The following TSPAN7 variants were observed in gnomAD, a reference collection of about 807,000 sequenced individuals.
The protein encoded by TSPAN7 is tetraspanin 7.
Under a neutral mutation model 17.6 loss-of-function variants are expected in TSPAN7, and 1 was observed. That is an observed-to-expected ratio of 0.06 (90% CI 0.02 to 0.27). The LOEUF (loss-of-function observed/expected upper bound fraction) is 0.27, where lower values mean the gene tolerates loss of function less well. TSPAN7 is among the 10% of genes least tolerant of loss of function. The pLI is 1.00. For synonymous variants in TSPAN7, 78 were observed against 79.0 expected (o/e 0.99, Z 0.07); for missense variants, 112 against 201.7 (o/e 0.56, Z 2.69).
chrX:38,562,701 CA>C (rs1387196688), intron 1 of TSPAN7, among the ~76,000 whole-genome samples: 1 of 111,258 alleles, frequency 9.0e-6, no homozygotes, highest in East Asian at 2.8e-4. Flanking sequence ...ACTTAAAGAC[CA>C]TTCCCTGTTA....
At chrX:38,630,536 C>T (rs1453753352) in intron 1 of TSPAN7, among the ~76,000 whole-genome samples, 1 of 111,433 alleles carries the variant, frequency 9.0e-6, no homozygotes, top group Non-Finnish European at 1.9e-5. Context: ...TAGCAGTATC[C>T]TCAGTATAAT....
intron 1 of TSPAN7, among the ~76,000 whole-genome samples, chrX:38,565,762 AT>A (rs1342617564): frequency 3.6e-5 from 4 of 112,084 alleles, no homozygotes; most frequent in African/African-American, 6.5e-5. Context: ...TTATTGTTTT[AT>A]CTGGCTTTCT....
intron 1 of TSPAN7, among the ~76,000 whole-genome samples, chrX:38,587,493 A>G (rs759122068): frequency 8.9e-6 from 1 of 111,907 alleles, no homozygotes; most frequent in Admixed American, 9.5e-5. Context: ...AATTTCATGT[A>G]GTTTCCAATA....
chrX:38,651,050 C>CATATATATATATATATATATATATATAT (rs34201318), intron 1 of TSPAN7, among the ~76,000 whole-genome samples: 2 of 98,138 alleles, frequency 2.0e-5, no homozygotes, highest in African/African-American at 7.6e-5. Flanking sequence ...AATGTGATTA[C>CATATATATATATATATATATATATATAT]ATATATATAT....
intron 1 of TSPAN7, among the ~76,000 whole-genome samples, chrX:38,605,223 A>C (rs2069372209): frequency 9.0e-6 from 1 of 111,209 alleles, no homozygotes; most frequent in African/African-American, 3.3e-5. Context: ...CTCAGGATAC[A>C]AAATCAATGT....
Position 38,654,721 on chromosome X carries a change from ATGAATAGG to A in TSPAN7, c.82-11399_82-11392del, listed in dbSNP as rs1402471210. On this transcript the variant is annotated intron_variant, in intron 1 of 7. Coordinates refer to ENST00000378482, the MANE Select transcript of TSPAN7 (RefSeq NM_004615.4). The stretch of plus-strand genomic sequence containing the variant: ...TTGTATTGGCCCTGGGGATACACCC[ATGAATAGG>A]ATGAATAGGACAAAAATCCTGCCCT... 1.3e-3 allele frequency among the ~76,000 whole-genome samples: 44 copies of A among 34,076 alleles called. No individual in the cohort carries two copies. The African/African-American group carries it at 0.018, about 14-fold the overall frequency. 29.6% of individuals were successfully genotyped at this position (34,076 alleles called of 115,157 possible). A position where few individuals can be genotyped will look rare whatever the true frequency, so the allele number is the denominator to read the frequency against.
chrX:38,605,106 G>T (rs1301413267), intron 1 of TSPAN7, among the ~76,000 whole-genome samples: 9 of 109,307 alleles, frequency 8.2e-5, no homozygotes, highest in African/African-American at 3.0e-4. Flanking sequence ...ATTAGGAAAA[G>T]AGGAAGTCAA....
chrX:38,562,000 T>A (rs945265496), intron 1 of TSPAN7, among the ~76,000 whole-genome samples: 2 of 112,912 alleles, frequency 1.8e-5, no homozygotes, highest in Non-Finnish European at 3.8e-5. Flanking sequence ...TTTCTCTCCC[T>A]TCCCCTACCA....
intron 1 of TSPAN7, among the ~76,000 whole-genome samples, chrX:38,650,442 G>A (rs1197707604): frequency 9.0e-6 from 1 of 110,857 alleles, no homozygotes. Context: ...GTCACTCACA[G>A]TGTGTGCCAG....
chrX:38,674,359 C>T, intron 4 of TSPAN7, 43 bp downstream of exon 4: 1 of 1,096,972 alleles, frequency 9.1e-7, no homozygotes, highest in Non-Finnish European at 1.2e-6. Context: ...ACTATGAAGT[C>T]TAGGCTTAGA....
At chrX:38,623,446 A>G (rs755506004) in intron 1 of TSPAN7, among the ~76,000 whole-genome samples, 4 of 109,173 alleles carry the variant, frequency 3.7e-5, no homozygotes, top group African/African-American at 1.3e-4. Flanking sequence ...CTATCCTTCT[A>G]TCTCACTGGT....
intron 3 of TSPAN7, among the ~76,000 whole-genome samples, chrX:38,672,629 CCTGG>C (rs2069828638): frequency 9.0e-6 from 1 of 111,447 alleles, no homozygotes; most frequent in Non-Finnish European, 1.9e-5. Flanking sequence ...CCAGGAGCAG[CCTGG>C]CTTGTTCCTA....
chrX:38,665,249 G>A (rs2069774749), intron 1 of TSPAN7, among the ~76,000 whole-genome samples: 1 of 111,731 alleles, frequency 9.0e-6, no homozygotes, highest in Non-Finnish European at 1.9e-5. Context: ...AGCTTCATGC[G>A]GTATCAGAAG....
intron 1 of TSPAN7, among the ~76,000 whole-genome samples, chrX:38,585,770 G>T (rs2069255143): frequency 9.0e-6 from 1 of 111,287 alleles, no homozygotes; most frequent in African/African-American, 3.3e-5. Context: ...TGCTCTGTTA[G>T]GTTCCTGAGA....
intron 1 of TSPAN7, among the ~76,000 whole-genome samples, chrX:38,656,430 G>A (rs944749183): frequency 1.8e-5 from 2 of 111,598 alleles, no homozygotes; most frequent in Non-Finnish European, 3.8e-5. Flanking sequence ...AAGGGAAGGG[G>A]TTTCTTGCCG....
At chrX:38,595,736 TA>T (rs2069316162) in intron 1 of TSPAN7, among the ~76,000 whole-genome samples, 1 of 112,108 alleles carries the variant, frequency 8.9e-6, no homozygotes, top group South Asian at 3.7e-4. Flanking sequence ...TTTGAATTGT[TA>T]AATTTAAATT....
At chrX:38,595,747 T>G (rs1446609481) in intron 1 of TSPAN7, among the ~76,000 whole-genome samples, 2 of 112,049 alleles carry the variant, frequency 1.8e-5, no homozygotes, top group African/African-American at 6.5e-5. Context: ...AAATTTAAAT[T>G]ATTAAACACA....
At chrX:38,563,239 T>A in intron 1 of TSPAN7, 1 of 646,964 alleles carries the variant, frequency 1.5e-6, no homozygotes, top group Non-Finnish European at 2.0e-6. Flanking sequence ...GGACTTTATT[T>A]GGACTGACAA....
rs766095900 is a variant in TSPAN7 at position 38,563,229 on chromosome X, G to A, written c.81+1602G>A. 2.3e-5 allele frequency: 17 copies of A among 735,156 alleles called. No individual in the cohort carries two copies. The Admixed American group carries it at 3.5e-4, about 15-fold the overall frequency. The allele number at this position is 735,156 out of a possible 1,213,427, so 60.6% of individuals were successfully genotyped here. A position where few individuals can be genotyped will look rare whatever the true frequency, so the allele number is the denominator to read the frequency against. ...TATTGCACAAGGCAAACACAGAAAC[G>A]GACTTTATTTGGACTGACAACGACA... On this transcript the variant is annotated intron_variant, in intron 1 of 7. Coordinates refer to ENST00000378482, the MANE Select transcript of TSPAN7 (RefSeq NM_004615.4).
Sources: allele counts gnomAD v4.1 joint callset (sites outside exome capture counted in the v4.1 genomes callset), GRCh38; gene constraint gnomAD v4.1.1; transcripts MANE v1.5; gene names NCBI Gene and HGNC (gene_info 2026-07-23, HGNC 2026-07-21).